FAM241A: variants seen among roughly 807,000 people sequenced by gnomAD.
FAM241A encodes the protein family with sequence similarity 241 member A, also known as uncharacterized protein FAM241A.
A neutral mutation model predicts 12.2 loss-of-function variants in FAM241A; 7 were observed. The observed-to-expected ratio is 0.58, with a 90% CI of 0.33 to 1.08. The LOEUF (loss-of-function observed/expected upper bound fraction) is 1.08, where lower values mean the gene tolerates loss of function less well. Among genes scored for constraint, FAM241A ranks in the 50% least tolerant of loss-of-function variants. The probability of loss-of-function intolerance (pLI) is 0.04; values close to 1 mark genes in which losing one functional copy is unlikely to be tolerated. For missense variants in FAM241A, 161 were observed against 169.7 expected, an observed-to-expected ratio of 0.95 and a Z score of 0.29; for synonymous variants, 74 against 68.2, an observed-to-expected ratio of 1.08 and a Z score of -0.42.
In FAM241A at chr4:112,145,602, C is replaced by T. The variant is rs1406693279; in HGVS notation, c.22C>T (p.Leu8=). Residue 8 remains leucine, a synonymous_variant, in exon 1 of 2, where the codon CTG becomes TTG. Transcript: ENST00000309733. MCSAGEL[L]RGGDGGERDE... ...CGGGATGTGCTCAGCCGGGGAGCTG[C>T]TGCGGGGCGGCGACGGCGGGGAACG... 1 of 1,243,088 alleles carries T rather than the reference C, an allele frequency of 8.0e-7. No homozygotes were observed. Among genetic ancestry groups the T allele is most frequent in the Non-Finnish European group, 1.0e-6 (1 of 992,808 alleles). The allele number at this position is 1,243,088 out of a possible 1,614,324, so 77.0% of individuals were successfully genotyped here.
At chr4:112,165,056 G>T (rs181796336) in intron 1 of FAM241A, among the ~76,000 whole-genome samples, 3 of 152,096 alleles carry the variant, frequency 2.0e-5, no homozygotes, top group Non-Finnish European at 4.4e-5. Flanking sequence ...AGCTGTGATC[G>T]CACCACCGCA....
intron 1 of FAM241A, among the ~76,000 whole-genome samples, chr4:112,182,428 A>T (rs1022482585): frequency 3.3e-5 from 5 of 152,140 alleles, no homozygotes; most frequent in Non-Finnish European, 7.3e-5. Context: ...CTTTCTTAAT[A>T]CAATTTACCC....
intron 1 of FAM241A, among the ~76,000 whole-genome samples, chr4:112,162,761 T>A (rs1420785698): frequency 1.3e-5 from 2 of 152,120 alleles, no homozygotes; most frequent in Non-Finnish European, 2.9e-5. Context: ...TTCAGTGCCA[T>A]CCCCATCAAG....
intron 1 of FAM241A, among the ~76,000 whole-genome samples, chr4:112,184,969 G>T (rs989387372): frequency 6.6e-6 from 1 of 152,034 alleles, no homozygotes; most frequent in Non-Finnish European, 1.5e-5. Flanking sequence ...TTGGCTGTTT[G>T]TGGCAGATGA....
intron 1 of FAM241A, among the ~76,000 whole-genome samples, chr4:112,148,488 G>T (rs73843009): frequency 1.7e-4 from 26 of 152,170 alleles, no homozygotes; most frequent in Middle Eastern, 3.4e-3. Context: ...TGTCATTCTG[G>T]CCTGAGTCTT....
chr4:112,145,494 A>C lies in FAM241A; in HGVS notation c.-87A>C. 1 of 1,164,638 alleles carries C rather than the reference A, an allele frequency of 8.6e-7. No homozygotes were observed. The highest frequency in any genetic ancestry group is 1.1e-6 in the Non-Finnish European group (1 of 936,878). The allele number at this position is 1,164,638 out of a possible 1,614,324, so 72.1% of individuals were successfully genotyped here. A position where few individuals can be genotyped will look rare whatever the true frequency, so the allele number is the denominator to read the frequency against. Reference sequence around the variant, plus strand: ...GTCAGCGGCGGGTGCGGCGGATCCCAGGGCAGCCTTCGGGCGGCGGCGCTG... The same window carrying C: ...GTCAGCGGCGGGTGCGGCGGATCCCCGGGCAGCCTTCGGGCGGCGGCGCTG... On this transcript the variant is annotated 5_prime_UTR_variant, in exon 1 of 2. Transcript: ENST00000309733.
intron 1 of FAM241A, among the ~76,000 whole-genome samples, chr4:112,172,454 A>T (rs897046366): frequency 3.9e-5 from 6 of 152,214 alleles, no homozygotes; most frequent in Non-Finnish European, 8.8e-5. Flanking sequence ...CTTTTATATA[A>T]TAATACAGAA....
chr4:112,161,376 G>T (rs906540642), intron 1 of FAM241A, among the ~76,000 whole-genome samples: 1 of 152,086 alleles, frequency 6.6e-6, no homozygotes, highest in Non-Finnish European at 1.5e-5. Context: ...CTAGGAGCTG[G>T]TTTTTTGAAA....
In FAM241A at chr4:112,150,529, C is replaced by T. The variant is rs1723226431; in HGVS notation, c.153+4796C>T. 2.6e-5 allele frequency among the ~76,000 whole-genome samples: 4 copies of T among 152,172 alleles called. No individual in the cohort carries two copies. In the South Asian group the frequency reaches 8.3e-4, roughly 32 times the overall value. On this transcript the variant is annotated intron_variant, in intron 1 of 1. Coordinates refer to ENST00000309733, the MANE Select transcript of FAM241A (RefSeq NM_152400.3). ...TTCTTGCCTTTGGCAATGCCTAGAA[C>T]TTTCAGAACAATGCTGGCTCATAGA...
intron 1 of FAM241A, among the ~76,000 whole-genome samples, chr4:112,161,589 A>T (rs1322496867): frequency 1.3e-5 from 2 of 152,072 alleles, no homozygotes; most frequent in African/African-American, 2.4e-5. Flanking sequence ...GGACACATAC[A>T]CCCTCCCAAG....
chr4:112,173,047 C>T (rs1723755656), intron 1 of FAM241A, among the ~76,000 whole-genome samples: 1 of 152,054 alleles, frequency 6.6e-6, no homozygotes, highest in South Asian at 2.1e-4. Context: ...ACCACCATAC[C>T]CCGCTAACTT....
At chr4:112,159,315 A>C (rs1332247800) in intron 1 of FAM241A, among the ~76,000 whole-genome samples, 1 of 152,152 alleles carries the variant, frequency 6.6e-6, no homozygotes, top group African/African-American at 2.4e-5. Flanking sequence ...CCAGTTCTCT[A>C]TATTTTGTTG....
At position 112,188,336 on chromosome 4, in the gene FAM241A, T is replaced by G. The variant is rs1295890332; in HGVS notation, c.*1398T>G. ...TCATAAAGCTTTTACCCAATCTTAT[T>G]TCTAAACCTCTGTGCATTCTTAGTG... On this transcript the variant is annotated 3_prime_UTR_variant, in exon 2 of 2. Coordinates refer to ENST00000309733, the MANE Select transcript of FAM241A (RefSeq NM_152400.3). 6.6e-6 allele frequency: 1 copy of G among 152,194 alleles called. No individual in the cohort carries two copies. The highest frequency in any genetic ancestry group is 2.4e-5 in the African/African-American group (1 of 41,464). The allele number at this position is 152,194 out of a possible 1,614,324, so 9.4% of individuals were successfully genotyped here. A position where few individuals can be genotyped will look rare whatever the true frequency, so the allele number is the denominator to read the frequency against.
chr4:112,181,845 A>G (rs577015676), intron 1 of FAM241A, among the ~76,000 whole-genome samples: 2 of 152,334 alleles, frequency 1.3e-5, no homozygotes, highest in African/African-American at 4.8e-5. Context: ...CTCATAGATC[A>G]TGTTAAAGAT....
At chr4:112,174,769 A>G in intron 1 of FAM241A, among the ~76,000 whole-genome samples, 1 of 152,196 alleles carries the variant, frequency 6.6e-6, no homozygotes, top group East Asian at 1.9e-4. Flanking sequence ...ACTTGAAAGC[A>G]TTCTCCATGC....
At position 112,193,496 on chromosome 4, in the gene FAM241A, C is replaced by CT. The variant is rs1724206505; in HGVS notation, c.*6561dup. The CT allele has an allele frequency of 6.6e-6, 1 of 152,174 alleles. No homozygotes were observed. Among genetic ancestry groups the CT allele is most frequent in the Admixed American group, 6.5e-5 (1 of 15,278 alleles). The allele number at this position is 152,174 out of a possible 1,614,324, so 9.4% of individuals were successfully genotyped here. A position where few individuals can be genotyped will look rare whatever the true frequency, so the allele number is the denominator to read the frequency against. On this transcript the variant is annotated 3_prime_UTR_variant, in exon 2 of 2. Coordinates refer to ENST00000309733, the MANE Select transcript of FAM241A (RefSeq NM_152400.3). ...ATGGTTTTAGGTCTGACATGTAAGT[C>CT]TTTAATCCATCTTGAAATAATTTTT...
At chr4:112,154,062 T>G (rs552294805) in intron 1 of FAM241A, among the ~76,000 whole-genome samples, 2 of 152,312 alleles carry the variant, frequency 1.3e-5, no homozygotes, top group South Asian at 4.1e-4. Flanking sequence ...GTAGGGAATT[T>G]AAGTTTGATG....
chr4:112,185,471 A>G (rs1212905862), intron 1 of FAM241A, among the ~76,000 whole-genome samples: 2 of 152,218 alleles, frequency 1.3e-5, no homozygotes, highest in African/African-American at 4.8e-5. Flanking sequence ...CAAGCCCTCC[A>G]GCGGATTCTA....
At position 112,145,561 on chromosome 4, in the gene FAM241A, CG is replaced by C; in HGVS notation, c.-18del. ...GTGGTCCTCCGGCGGCTGTCCGGGG[CG>C]GTAGGAGTTGGCTGCGGGATGTGCT... On this transcript the variant is annotated 5_prime_UTR_variant, in exon 1 of 2. Coordinates refer to ENST00000309733, the MANE Select transcript of FAM241A (RefSeq NM_152400.3). 1 of 1,244,978 alleles carries C rather than the reference CG, an allele frequency of 8.0e-7. No homozygotes were observed. Among genetic ancestry groups the C allele is most frequent in the African/African-American group, 1.5e-5 (1 of 64,890 alleles). The allele number at this position is 1,244,978 out of a possible 1,614,324, so 77.1% of individuals were successfully genotyped here. A position where few individuals can be genotyped will look rare whatever the true frequency, so the allele number is the denominator to read the frequency against.
Sources: allele counts gnomAD v4.1 joint callset (sites outside exome capture counted in the v4.1 genomes callset), GRCh38; gene constraint gnomAD v4.1.1; transcripts MANE v1.5; gene names NCBI Gene and HGNC (gene_info 2026-07-23, HGNC 2026-07-21).